DDX46: variants seen among roughly 807,000 people sequenced by gnomAD.
DDX46 encodes probable ATP-dependent RNA helicase DDX46.
In DDX46, 30 loss-of-function variants were observed where a neutral mutation model predicts 134.9. That is an observed-to-expected ratio of 0.22 (90% CI 0.17 to 0.30). The LOEUF (loss-of-function observed/expected upper bound fraction) is 0.30, where lower values mean the gene tolerates loss of function less well. Ranked by LOEUF, DDX46 falls within the 10% of genes least tolerant of loss-of-function variation. DDX46 has a pLI of 1.00. For synonymous variants in DDX46, 415 were observed against 404.1 expected, an observed-to-expected ratio of 1.03 and a Z score of -0.32; for missense variants, 622 against 1,248.7, an observed-to-expected ratio of 0.50 and a Z score of 7.56.
At position 134,758,800 on chromosome 5, in the gene DDX46, G is replaced by A. The variant is rs1301298102; in HGVS notation, c.-139G>A. Reference sequence around the variant, plus strand: ...CGTCCTGTTTTCGTTGGCCGCGCTGGGATGGCCGCCACAGCTGTAGGTGCT... The same window carrying A: ...CGTCCTGTTTTCGTTGGCCGCGCTGAGATGGCCGCCACAGCTGTAGGTGCT... On this transcript the variant is annotated 5_prime_UTR_variant, in exon 1 of 23. Coordinates refer to ENST00000452510, the MANE Select transcript of DDX46 (RefSeq NM_001300860.2). 1.4e-5 allele frequency: 19 copies of A among 1,377,592 alleles called. No homozygotes were observed. Among genetic ancestry groups the A allele is most frequent in the Non-Finnish European group, 1.6e-5 (16 of 986,048 alleles). The allele number at this position is 1,377,592 out of a possible 1,614,324, so 85.3% of individuals were successfully genotyped here. A position where few individuals can be genotyped will look rare whatever the true frequency, so the allele number is the denominator to read the frequency against.
chr5:134,820,538 T>A (rs971293298), intron 21 of DDX46, among the ~76,000 whole-genome samples: 3 of 152,088 alleles, frequency 2.0e-5, no homozygotes, highest in Non-Finnish European at 4.4e-5. Flanking sequence ...AATTTTTGTA[T>A]TTTTGGGTAG....
Position 134,777,742 on chromosome 5 carries a change from T to C in DDX46, c.765+17T>C, listed in dbSNP as rs1753990376. The C allele has an allele frequency of 6.3e-7, 1 of 1,588,024 alleles. No homozygotes were observed. The highest frequency in any genetic ancestry group is 8.5e-7 in the Non-Finnish European group (1 of 1,171,356). On this transcript the variant is annotated intron_variant, in intron 6 of 22. Coordinates refer to ENST00000452510, the MANE Select transcript of DDX46 (RefSeq NM_001300860.2). The stretch of plus-strand genomic sequence containing the variant: ...AATGAAAAGGTATGGAATTTCTTAT[T>C]TTTAAAGATTTCCGTTTCCTCTTGG...
intron 21 of DDX46, 28 bp from the exon 22 acceptor site, chr5:134,826,919 A>C: frequency 1.9e-6 from 3 of 1,605,898 alleles, no homozygotes; most frequent in Non-Finnish European, 2.5e-6. Flanking sequence ...TAGTAATTTG[A>C]ATAATATGCT....
Position 134,811,653 on chromosome 5 carries a change from A to C in DDX46, c.2287-43A>C, listed in dbSNP as rs752099182. 1.9e-6 allele frequency: 3 copies of C among 1,554,230 alleles called. No individual in the cohort carries two copies. The East Asian group carries it at 6.8e-5, about 35-fold the overall frequency. ...AATTAGTATGAATTCCTAAACATTA[A>C]AGTTTTTACTATGAGATTAACTTCG... On this transcript the variant is annotated intron_variant, in intron 17 of 22. Coordinates refer to ENST00000452510, the MANE Select transcript of DDX46 (RefSeq NM_001300860.2).
chr5:134,761,787 T>C (rs992112429), intron 1 of DDX46, among the ~76,000 whole-genome samples: 2 of 152,170 alleles, frequency 1.3e-5, no homozygotes, highest in Admixed American at 6.5e-5. Context: ...CTTCAAGATA[T>C]CCAGATTTTG....
chr5:134,827,707 C>A (rs1246796711), intron 22 of DDX46, among the ~76,000 whole-genome samples: 3 of 150,730 alleles, frequency 2.0e-5, no homozygotes, highest in Non-Finnish European at 4.4e-5. Context: ...CATGTTATTG[C>A]ATGTAGCAAT....
rs1753979894 is a variant in DDX46, at chr5:134,777,450, G to A, written c.614-124G>A. On this transcript the variant is annotated intron_variant, in intron 5 of 22. Coordinates refer to ENST00000452510, the MANE Select transcript of DDX46 (RefSeq NM_001300860.2). ...TGAGCATTTGAACTGATGGATGGCT[G>A]GAGTAATTGGAAAAGGGGTGTTTGG... 6.8e-6 allele frequency: 7 copies of A among 1,029,806 alleles called. No individual in the cohort carries two copies. The East Asian group carries it at 1.8e-4, about 27-fold the overall frequency. 63.8% of individuals were successfully genotyped at this position (1,029,806 alleles called of 1,614,324 possible).
At chr5:134,777,508 T>C in intron 5 of DDX46, 66 bp from the exon 6 acceptor site, 1 of 1,575,416 alleles carries the variant, frequency 6.3e-7, no homozygotes, top group Non-Finnish European at 8.6e-7. Flanking sequence ...AGGTGGGGTG[T>C]GGTCTGATTG....
chr5:134,795,204 G>GTTTTTTT lies in DDX46; in HGVS notation c.1791+199_1791+205dup, dbSNP rs879550711. Among the ~76,000 whole-genome samples, 129 of 125,734 alleles carry GTTTTTTT rather than the reference G, an allele frequency of 1.0e-3. 3 individuals carry two copies. The highest frequency in any genetic ancestry group is 3.7e-3 in the African/African-American group (121 of 33,134). 82.5% of individuals were successfully genotyped at this position (125,734 alleles called of 152,430 possible). ...TTCCACGGAGCTATTTAAAATGCTT[G>GTTTTTTT]TTTTTTTTTTTTTTTGTTTTTTTTT... On this transcript the variant is annotated intron_variant, in intron 14 of 22. Transcript: ENST00000452510.
chr5:134,791,451 C>T (rs1020565072), intron 13 of DDX46, among the ~76,000 whole-genome samples: 1 of 151,986 alleles, frequency 6.6e-6, no homozygotes, highest in Non-Finnish European at 1.5e-5. Context: ...GTCCCAGCTA[C>T]TCAGGAGGCT....
chr5:134,799,316 C>CT (rs569120916), intron 15 of DDX46, among the ~76,000 whole-genome samples: 185 of 144,538 alleles, frequency 1.3e-3, no homozygotes, highest in Non-Finnish European at 1.7e-3. Context: ...ACTTGTTTCA[C>CT]TTTTTTTTTT....
At chr5:134,769,766 A>G (rs1176075624) in intron 3 of DDX46, among the ~76,000 whole-genome samples, 1 of 151,634 alleles carries the variant, frequency 6.6e-6, no homozygotes, top group Non-Finnish European at 1.5e-5. Flanking sequence ...AGGCTGGTCT[A>G]GAACTCCTAA....
chr5:134,768,153 T>A (rs254701), intron 3 of DDX46, among the ~76,000 whole-genome samples: 53,702 of 150,554 alleles, frequency 0.36, 10,426 homozygotes, highest in East Asian at 0.68. Flanking sequence ...TCTGTTGCCC[T>A]GGCTGGAATG....
In DDX46 at chr5:134,784,564, A is replaced by G. The variant is rs746393184; in HGVS notation, c.1342+23A>G. The G allele has an allele frequency of 1.9e-5, 30 of 1,554,950 alleles. No homozygotes were observed. In the South Asian group the frequency reaches 2.1e-4, roughly 11 times the overall value. On this transcript the variant is annotated intron_variant, in intron 10 of 22. Transcript: ENST00000452510. ...TAGGTACAATTCTTTTCATTAAACTATTTTTCAAATAACAGCTTTGTTGTC... is the reference window on the plus strand; with the variant it reads ...TAGGTACAATTCTTTTCATTAAACTGTTTTTCAAATAACAGCTTTGTTGTC...
chr5:134,814,342 A>G (rs1755229372), intron 18 of DDX46, among the ~76,000 whole-genome samples: 1 of 152,182 alleles, frequency 6.6e-6, no homozygotes, highest in Admixed American at 6.6e-5. Context: ...CTGTTTTTTA[A>G]AATCTTGTGA....
intron 3 of DDX46, 92 bp from the exon 4 acceptor site, chr5:134,770,809 ACT>A: frequency 9.3e-7 from 1 of 1,072,936 alleles, no homozygotes; most frequent in Non-Finnish European, 1.3e-6. Context: ...AGAGTGAGAC[ACT>A]GTCTCAAAAA....
intron 20 of DDX46, 145 bp from the exon 21 acceptor site, chr5:134,818,715 A>T: frequency 2.0e-6 from 1 of 501,708 alleles, no homozygotes. Flanking sequence ...AAAGAAAAAA[A>T]AAAAAGAATA....
chr5:134,767,286 A>T (rs1753605428), intron 3 of DDX46, among the ~76,000 whole-genome samples: 1 of 152,124 alleles, frequency 6.6e-6, no homozygotes. Context: ...TTGTATTCTT[A>T]CTTAATACAT....
chr5:134,819,643 C>A (rs1323449111), intron 21 of DDX46, among the ~76,000 whole-genome samples: 1 of 152,000 alleles, frequency 6.6e-6, no homozygotes, highest in Non-Finnish European at 1.5e-5. Flanking sequence ...GATCCTCCCA[C>A]CTCAACACCC....
Sources: gnomAD v4.1 joint callset for allele counts (sites outside exome capture counted in the v4.1 genomes callset) on GRCh38, gnomAD v4.1.1 for gene constraint, MANE v1.5 for transcripts, NCBI Gene and HGNC (gene_info 2026-07-23, HGNC 2026-07-21) for gene names.